The following GPHN variants were observed in gnomAD, a reference collection of about 807,000 sequenced individuals.
GPHN encodes the protein gephyrin.
GPHN carries 17 observed loss-of-function variants against 95.5 expected under a neutral mutation model. The ratio of observed to expected loss-of-function variants is 0.18; its 90% confidence interval spans 0.12 to 0.27. The LOEUF is 0.27. Among genes scored for constraint, GPHN ranks in the 10% least tolerant of loss-of-function variants. GPHN has a pLI of 1.00. For missense variants in GPHN, 660 were observed against 978.1 expected (o/e 0.67, Z 4.34); for synonymous variants, 320 against 322.5 (o/e 0.99, Z 0.08).
chr14:66,865,073 G>A (rs1477128039), intron 4 of GPHN, among the ~76,000 whole-genome samples: 5 of 152,054 alleles, frequency 3.3e-5, no homozygotes, highest in Admixed American at 2.6e-4. Context: ...ACAACTGAAC[G>A]CATGGAGATA....
At chr14:66,594,013 T>A (rs1342207790) in intron 1 of GPHN, among the ~76,000 whole-genome samples, 1 of 152,286 alleles carries the variant, frequency 6.6e-6, no homozygotes, top group South Asian at 2.1e-4. Flanking sequence ...TTAGTAGCAT[T>A]TCTATACAGT....
chr14:66,529,953 C>G (rs1334561123), intron 1 of GPHN, among the ~76,000 whole-genome samples: 2 of 152,210 alleles, frequency 1.3e-5, no homozygotes, highest in African/African-American at 2.4e-5. Flanking sequence ...GGCCGTCTGT[C>G]CCTTAGCAGA....
At chr14:67,223,618 G>C in the GPHN span, 2 of 598,868 alleles carry the variant, frequency 3.3e-6, no homozygotes, top group Non-Finnish European at 4.2e-6. Flanking sequence ...TAAATCACAA[G>C]GGTGGCACAA....
At chr14:67,637,464 G>C in the GPHN span, among the ~76,000 whole-genome samples, 1 of 146,882 alleles carries the variant, frequency 6.8e-6, no homozygotes, top group African/African-American at 2.5e-5. Context: ...TCATCCTGCT[G>C]TTACAAAAAG....
chr14:67,450,386 C>G, the GPHN span, among the ~76,000 whole-genome samples: 1 of 152,126 alleles, frequency 6.6e-6, no homozygotes, highest in Non-Finnish European at 1.5e-5. Flanking sequence ...TTGGAACAGT[C>G]TGGAGGGCTC....
At chr14:67,015,367 C>T (rs1268644990) in intron 9 of GPHN, among the ~76,000 whole-genome samples, 2 of 152,116 alleles carry the variant, frequency 1.3e-5, no homozygotes, top group Admixed American at 1.3e-4. Context: ...TAAATATTGT[C>T]TATTTGCCGG....
intron 2 of GPHN, among the ~76,000 whole-genome samples, chr14:66,750,332 A>G (rs2153447346): frequency 6.6e-6 from 1 of 151,904 alleles, no homozygotes; most frequent in East Asian, 1.9e-4. Flanking sequence ...TTCGGAAGAC[A>G]TTCCTTGGCT....
chr14:67,592,861 C>A, the GPHN span: 8 of 561,276 alleles, frequency 1.4e-5, no homozygotes, highest in Non-Finnish European at 2.3e-5. Flanking sequence ...TCTCGGCTCA[C>A]TGCAACCTCT....
At chr14:67,250,883 T>C in the GPHN span, among the ~76,000 whole-genome samples, 1 of 152,262 alleles carries the variant, frequency 6.6e-6, no homozygotes, top group African/African-American at 2.4e-5. Flanking sequence ...CACAATACTT[T>C]CTGCTTTCCC....
the GPHN span, chr14:67,383,181 C>A: frequency 1.0e-6 from 1 of 977,088 alleles, no homozygotes; most frequent in Non-Finnish European, 1.5e-6. Flanking sequence ...TGATAAGTCA[C>A]TCAAAAGTGA....
chr14:67,427,582 C>T, the GPHN span, among the ~76,000 whole-genome samples: 1 of 152,312 alleles, frequency 6.6e-6, no homozygotes, highest in South Asian at 2.1e-4. Context: ...CCCACGAGAG[C>T]TCCGTCTTAA....
chr14:66,591,129 T>A (rs1210894646), intron 1 of GPHN, among the ~76,000 whole-genome samples: 1 of 152,170 alleles, frequency 6.6e-6, no homozygotes, highest in Non-Finnish European at 1.5e-5. Flanking sequence ...AAACTCTCAA[T>A]AAACTTGGTA....
At chr14:67,627,926 GTTCT>G in the GPHN span, among the ~76,000 whole-genome samples, 2 of 152,188 alleles carry the variant, frequency 1.3e-5, no homozygotes, top group Non-Finnish European at 2.9e-5. Flanking sequence ...AAAGTTCTGG[GTTCT>G]TTGACTTCTA....
the GPHN span, among the ~76,000 whole-genome samples, chr14:67,211,040 T>G: frequency 6.6e-6 from 1 of 152,062 alleles, no homozygotes; most frequent in Non-Finnish European, 1.5e-5. Context: ...TGCAGTCAGA[T>G]CTCTGGGTTC....
At chr14:67,099,276 A>AT (rs2077563541) in intron 12 of GPHN, among the ~76,000 whole-genome samples, 1 of 151,964 alleles carries the variant, frequency 6.6e-6, no homozygotes, top group African/African-American at 2.4e-5. Flanking sequence ...TGCCCGGCTA[A>AT]TTTTTGTATT....
intron 4 of GPHN, chr14:66,842,713 A>C: frequency 6.5e-7 from 1 of 1,532,822 alleles, no homozygotes; most frequent in Non-Finnish European, 8.7e-7. Flanking sequence ...GGCTCCAGAA[A>C]GGGGTAAGCG....
chr14:66,534,537 TACAA>T (rs1306453106), intron 1 of GPHN, among the ~76,000 whole-genome samples: 3 of 152,318 alleles, frequency 2.0e-5, no homozygotes, highest in African/African-American at 2.4e-5. Context: ...ATTTTTGACT[TACAA>T]AGAAAACCTG....
intron 8 of GPHN, among the ~76,000 whole-genome samples, chr14:66,951,089 T>A (rs985160536): frequency 3.3e-5 from 5 of 152,078 alleles, no homozygotes; most frequent in African/African-American, 1.2e-4. Flanking sequence ...CATGCCCAGC[T>A]AATTTTTTGT....
the GPHN span, among the ~76,000 whole-genome samples, chr14:67,262,008 C>T: frequency 1.3e-5 from 2 of 152,072 alleles, no homozygotes; most frequent in African/African-American, 4.8e-5. Flanking sequence ...ATGTAACTAA[C>T]ACAGCACTGT....
Sources: allele counts gnomAD v4.1 joint callset (sites outside exome capture counted in the v4.1 genomes callset), GRCh38; gene constraint gnomAD v4.1.1; transcripts MANE v1.5; gene names NCBI Gene and HGNC (gene_info 2026-07-23, HGNC 2026-07-21).